ZNF540: variants seen among roughly 807,000 people sequenced by gnomAD.
The protein encoded by ZNF540 is CTD-3064H18.6.
In ZNF540, 3 loss-of-function variants were observed where a neutral mutation model predicts 11.8. The ratio of observed to expected loss-of-function variants is 0.25; its 90% CI spans 0.12 to 0.65. ZNF540 has a LOEUF of 0.65. ZNF540 is among the 30% of genes least tolerant of loss of function. The probability of loss-of-function intolerance (pLI) is 0.83; values close to 1 mark genes in which losing one functional copy is unlikely to be tolerated. For synonymous variants in ZNF540, 247 were observed against 259.0 expected (o/e 0.95, Z 0.45); for missense variants, 709 against 793.1 (o/e 0.89, Z 1.27).
chr19:37,565,516 C>G (rs370713403), intron 1 of ZNF540: 1 of 1,613,704 alleles, frequency 6.2e-7, no homozygotes. Context: ...CATAAGGTTT[C>G]TCACCACTAT....
At chr19:37,565,686 C>T in intron 1 of ZNF540, 1 of 1,613,782 alleles carries the variant, frequency 6.2e-7, no homozygotes, top group Non-Finnish European at 8.5e-7. Context: ...TATGGTTTCT[C>T]TCCTGTATGA....
intron 1 of ZNF540, among the ~76,000 whole-genome samples, chr19:37,587,879 A>G (rs1376658367): frequency 1.3e-5 from 2 of 152,026 alleles, no homozygotes; most frequent in Non-Finnish European, 2.9e-5. Context: ...AGGGAGGCCG[A>G]GGCAGGCAGA....
At chr19:37,557,437 T>G (rs2042671295) in intron 1 of ZNF540, among the ~76,000 whole-genome samples, 1 of 152,326 alleles carries the variant, frequency 6.6e-6, no homozygotes, top group Non-Finnish European at 1.5e-5. Context: ...GTTAATATCC[T>G]TACCCCATCG....
At chr19:37,551,746 C>G (rs143552898) in intron 1 of ZNF540, 1 of 152,494 alleles carries the variant, frequency 6.6e-6, no homozygotes, top group Non-Finnish European at 1.5e-5. Context: ...CAAGCAGCCT[C>G]AGGAGCTGCC....
At chr19:37,551,609 G>A (rs916434954) in exon 1 of ZNF540, 2 of 152,352 alleles carry the variant, frequency 1.3e-5, no homozygotes, top group African/African-American at 4.8e-5. Context: ...CGTCAGGCCT[G>A]CCTAGACGGT....
At chr19:37,583,037 C>T (rs1380586159) in intron 1 of ZNF540, among the ~76,000 whole-genome samples, 1 of 152,216 alleles carries the variant, frequency 6.6e-6, no homozygotes, top group Non-Finnish European at 1.5e-5. Context: ...TCTAACCTCA[C>T]CTCAAATTTC....
intron 1 of ZNF540, among the ~76,000 whole-genome samples, chr19:37,570,840 A>G (rs1600475999): frequency 6.6e-6 from 1 of 152,296 alleles, no homozygotes; most frequent in East Asian, 1.9e-4. Context: ...AAACAACGAA[A>G]AAACCCACCC....
intron 4 of ZNF540, among the ~76,000 whole-genome samples, chr19:37,607,690 A>G (rs2044095686): frequency 6.6e-6 from 1 of 152,184 alleles, no homozygotes; most frequent in Non-Finnish European, 1.5e-5. Flanking sequence ...TGGATGTACC[A>G]CAGCTTAATC....
intron 1 of ZNF540, among the ~76,000 whole-genome samples, chr19:37,576,738 C>T (rs1236734180): frequency 1.3e-5 from 2 of 152,110 alleles, no homozygotes; most frequent in African/African-American, 4.8e-5. Flanking sequence ...ATTCTGAATA[C>T]ATGATAGCAA....
At position 37,564,975 on chromosome 19, in the gene ZNF540, G is replaced by A. The variant is rs139005348; in HGVS notation, c.-73+13310G>A. 408 of 1,613,314 alleles carry A rather than the reference G, an allele frequency of 2.5e-4. 1 individual carries two copies. The highest frequency in any genetic ancestry group is 3.3e-4 in the Non-Finnish European group (389 of 1,179,818). ...TGATGATATGTAAGTTGTGTAGCAC[G>A]TACAAAGGTCTTCCCACATTCCTTA... is the stretch of plus-strand genomic sequence containing the variant. On this transcript the variant is annotated intron_variant, in intron 1 of 4. Transcript: ENST00000592533.
intron 1 of ZNF540, chr19:37,566,016 A>T: frequency 6.2e-7 from 1 of 1,614,012 alleles, no homozygotes; most frequent in Non-Finnish European, 8.5e-7. Flanking sequence ...CATTTGTACA[A>T]TTTTTCCTTG....
chr19:37,562,098 G>A (rs933716636), intron 1 of ZNF540, among the ~76,000 whole-genome samples: 19 of 152,138 alleles, frequency 1.2e-4, no homozygotes, highest in Non-Finnish European at 1.8e-4. Context: ...TAAAGATAAT[G>A]TAGGCCGGGT....
rs1419730858 is a variant in ZNF540 at position 37,599,762 on chromosome 19, C to G, written c.136+10C>G. The stretch of plus-strand genomic sequence containing the variant: ...AACTTGGTCTCACTGGGTAAGGTCA[C>G]CTATGTCAAATAATGTAGACTCTGT... On this transcript the variant is annotated intron_variant, in intron 3 of 4. Coordinates refer to ENST00000316433, the MANE Select transcript of ZNF540 (RefSeq NM_001172225.3). 5 of 1,584,678 alleles carry G rather than the reference C, an allele frequency of 3.2e-6. No homozygotes were observed. Among genetic ancestry groups the G allele is most frequent in the Non-Finnish European group, 4.3e-6 (5 of 1,164,126 alleles).
chr19:37,562,685 ACAAGTT>A (rs2042731127), intron 1 of ZNF540: 1 of 152,190 alleles, frequency 6.6e-6, no homozygotes, highest in Non-Finnish European at 1.5e-5. Context: ...ATTCTAATTA[ACAAGTT>A]CAAATTATTT....
intron 1 of ZNF540, chr19:37,565,511 G>A: frequency 3.7e-6 from 6 of 1,613,742 alleles, no homozygotes; most frequent in Non-Finnish European, 4.2e-6. Context: ...ACACTCATAA[G>A]GTTTCTCACC....
chr19:37,596,197 A>G (rs1008916793), intron 1 of ZNF540, among the ~76,000 whole-genome samples: 1 of 152,204 alleles, frequency 6.6e-6, no homozygotes, highest in Non-Finnish European at 1.5e-5. Flanking sequence ...TTTATAGACA[A>G]ATGCACTTTC....
intron 1 of ZNF540, among the ~76,000 whole-genome samples, chr19:37,551,838 G>GC (rs1568332735): frequency 4.9e-4 from 74 of 152,160 alleles, no homozygotes; most frequent in African/African-American, 1.7e-3. Context: ...GTGTGTGGGG[G>GC]GGGTGGTGTC....
intron 1 of ZNF540, among the ~76,000 whole-genome samples, chr19:37,574,137 TA>T (rs1382438280): frequency 6.6e-6 from 1 of 152,204 alleles, no homozygotes; most frequent in Non-Finnish European, 1.5e-5. Flanking sequence ...TTTAAAACTA[TA>T]CTCTTTATGT....
chr19:37,588,857 A>T (rs1038668317), intron 1 of ZNF540, among the ~76,000 whole-genome samples: 5 of 152,238 alleles, frequency 3.3e-5, no homozygotes. Flanking sequence ...ACCCCATTTT[A>T]TAACACATAC....
Sources: allele counts gnomAD v4.1 joint callset (sites outside exome capture counted in the v4.1 genomes callset), GRCh38; gene constraint gnomAD v4.1.1; transcripts MANE v1.5; gene names NCBI Gene and HGNC (gene_info 2026-07-23, HGNC 2026-07-21).